THBS4: variants seen among roughly 807,000 people sequenced by gnomAD.
The protein encoded by THBS4 is thrombospondin-4.
In THBS4, 90 loss-of-function variants were observed where a neutral mutation model predicts 115.7. The ratio of observed to expected loss-of-function variants is 0.78; its 90% CI spans 0.66 to 0.93. The LOEUF is 0.93. THBS4 is among the 40% of genes least tolerant of loss of function. The pLI is 0.00. For synonymous variants in THBS4, 460 were observed against 479.3 expected (o/e 0.96, Z 0.53); for missense variants, 1,087 against 1,232.7 (o/e 0.88, Z 1.77).
At chr5:80,023,740 G>A (rs1474655747) in intron 2 of THBS4, among the ~76,000 whole-genome samples, 2 of 152,118 alleles carry the variant, frequency 1.3e-5, no homozygotes, top group Non-Finnish European at 2.9e-5. Flanking sequence ...CCACACACAT[G>A]TGGTGATGGC....
intron 2 of THBS4, among the ~76,000 whole-genome samples, chr5:80,003,172 C>T (rs527671132): frequency 1.1e-4 from 17 of 152,132 alleles, no homozygotes; most frequent in Admixed American, 2.0e-4. Flanking sequence ...CAGTAATTTG[C>T]AGTTTGAATA....
chr5:80,007,237 AT>A (rs1333294774), intron 2 of THBS4, among the ~76,000 whole-genome samples: 2 of 152,154 alleles, frequency 1.3e-5, no homozygotes, highest in Admixed American at 6.5e-5. Context: ...AATTAAGTTT[AT>A]TTTTTTCATA....
In THBS4 at chr5:80,058,279, T is replaced by C. The variant is rs767188033; in HGVS notation, c.614T>C (p.Leu205Pro). Residue 205 changes from leucine (L) to proline (P), a missense_variant, in exon 4 of 22, where the codon CTG becomes CCG. Physicochemically the swap from Leu to Pro is moderately conservative, Grantham distance 98. Transcript: ENST00000350881. ...FQVASLQDCF[L>P]QQSEPLAATG... ...GTGGCCAGCCTGCAAGACTGCTTCC[T>C]GCAGCAGAGTGAGCCACTGGCTGCC... The C allele has an allele frequency of 1.9e-6, 3 of 1,570,736 alleles. No homozygotes were observed. The South Asian group carries it at 3.5e-5, about 18-fold the overall frequency.
chr5:79,997,304 A>G (rs879536262), intron 1 of THBS4, among the ~76,000 whole-genome samples: 3 of 152,178 alleles, frequency 2.0e-5, no homozygotes, highest in Admixed American at 6.5e-5. Flanking sequence ...TCCTTCAAAC[A>G]TGACATTGGT....
chr5:80,027,894 CAAAAAAAAA>C (rs1159986888), intron 2 of THBS4, among the ~76,000 whole-genome samples: 65 of 47,720 alleles, frequency 1.4e-3, no homozygotes, highest in African/African-American at 5.2e-3. Flanking sequence ...ACCCTGTCTC[CAAAAAAAAA>C]AAAAAAAAAA....
At chr5:79,998,554 C>A (rs11956870) in intron 2 of THBS4, 31,384 of 152,132 alleles carry the variant, frequency 0.21, 3,452 homozygotes, top group Middle Eastern at 0.28. Context: ...CAGACGTAGA[C>A]CCAGACCCAA....
At chr5:80,036,729 T>C (rs1226225229) in intron 1 of THBS4, among the ~76,000 whole-genome samples, 1 of 152,230 alleles carries the variant, frequency 6.6e-6, no homozygotes, top group Non-Finnish European at 1.5e-5. Flanking sequence ...TGGCCCTAAC[T>C]GGTCAGGCGT....
chr5:80,067,932 C>T (rs755604604), intron 9 of THBS4, 41 bp from the exon 10 acceptor site: 3 of 1,605,252 alleles, frequency 1.9e-6, no homozygotes, highest in Non-Finnish European at 2.6e-6. Flanking sequence ...GTACCTTTGC[C>T]CACAGCTTTC....
At chr5:80,068,482 C>T in intron 10 of THBS4, 1 of 258,296 alleles carries the variant, frequency 3.9e-6, no homozygotes, top group South Asian at 4.7e-5. Flanking sequence ...CTTCTTCTGC[C>T]CCATCTACCT....
Position 80,080,089 on chromosome 5 carries a change from CCCCAT to C in THBS4, c.2684+14_2684+18del. ...GTGGGCTACATCAGGTAGGTAGAGG[CCCCAT>C]CTCCTTACCTTGCTCTAGAAGCAAA... On this transcript the variant is annotated intron_variant, in intron 20 of 21. Coordinates refer to ENST00000350881, the MANE Select transcript of THBS4 (RefSeq NM_003248.6). 1 of 1,611,210 alleles carries C rather than the reference CCCCAT, an allele frequency of 6.2e-7. No homozygotes were observed. Among genetic ancestry groups the C allele is most frequent in the African/African-American group, 1.3e-5 (1 of 74,982 alleles).
chr5:80,068,243 A>AT (rs1833907912), intron 10 of THBS4, 118 bp downstream of exon 10: 1 of 1,269,944 alleles, frequency 7.9e-7, no homozygotes, highest in Admixed American at 2.2e-5. Context: ...TTGCAATTAA[A>AT]TGAGCATGGA....
rs371549067 is a variant in THBS4 at position 80,078,106 on chromosome 5, G to A, written c.2144G>A (p.Arg715Gln). ...TTTGACCAGGACCAGGTCATCGATC[G>A]GATCGACGTCTGCCCAGAGAACGCA... The part of the protein sequence containing the change: ...SDFDQDQVID[R>Q]IDVCPENAEV... The change falls in exon 17 of 22, where the codon CGG becomes CAG. Residue 715 changes from arginine to glutamine, a missense_variant. Around this residue, in one of 3 missense-constraint regions of THBS4, gnomAD observed 979 missense variants for 1,103.7 expected, o/e 0.89. Transcript: ENST00000350881. 2.9e-5 allele frequency: 47 copies of A among 1,610,314 alleles called. No homozygotes were observed. Among genetic ancestry groups the A allele is most frequent in the African/African-American group, 1.6e-4 (12 of 74,992 alleles).
chr5:79,997,088 G>T lies in THBS4; in HGVS notation n.82-1244G>T, dbSNP rs528702941. On this transcript the variant is annotated intron_variant and non_coding_transcript_variant, in intron 1 of 3. Coordinates refer to the THBS4 transcript ENST00000510218. ...ACAAGAAAGCAAGGGGCCAGCAGGG[G>T]AGTGATAGGTTGGAAGTGGGGAGGT... is the stretch of plus-strand genomic sequence containing the variant. Among the ~76,000 whole-genome samples, 15 of 151,748 alleles carry T rather than the reference G, an allele frequency of 9.9e-5. No homozygotes were observed. The South Asian group carries it at 2.9e-3, about 30-fold the overall frequency.
At chr5:80,041,803 A>G (rs1832912255) in intron 2 of THBS4, among the ~76,000 whole-genome samples, 1 of 152,202 alleles carries the variant, frequency 6.6e-6, no homozygotes, top group Non-Finnish European at 1.5e-5. Flanking sequence ...TTAATAAAAT[A>G]GGAGGGCTGG....
At chr5:79,995,083 T>C (rs1054357348) in intron 1 of THBS4, among the ~76,000 whole-genome samples, 3 of 152,202 alleles carry the variant, frequency 2.0e-5, no homozygotes, top group Admixed American at 6.5e-5. Flanking sequence ...AATGCTGGGT[T>C]TGGTTATAAG....
Position 80,080,579 on chromosome 5 carries a change from C to T in THBS4, c.2684+502C>T, listed in dbSNP as rs1176029207. Among the ~76,000 whole-genome samples the T allele has an allele frequency of 1.1e-3, 58 of 50,486 alleles. 1 individual carries two copies. The highest frequency in any genetic ancestry group is 3.8e-3 in the East Asian group (4 of 1,052). The allele number at this position is 50,486 out of a possible 152,430, so 33.1% of individuals were successfully genotyped here. A position where few individuals can be genotyped will look rare whatever the true frequency, so the allele number is the denominator to read the frequency against. ...AACTGCATGAGAGCAGCGCTTGTAT[C>T]TTTTTTTTTTTTTTTTTTTTTTTTT... On this transcript the variant is annotated intron_variant, in intron 20 of 21. Transcript: ENST00000350881.
At chr5:80,041,786 C>G (rs1032347489) in intron 2 of THBS4, among the ~76,000 whole-genome samples, 4 of 152,218 alleles carry the variant, frequency 2.6e-5, no homozygotes, top group Non-Finnish European at 5.9e-5. Context: ...CCTGCTGCTT[C>G]ATGCATTTAA....
chr5:80,081,276 G>T (rs1176977865), intron 20 of THBS4, among the ~76,000 whole-genome samples: 4 of 152,094 alleles, frequency 2.6e-5, no homozygotes, highest in African/African-American at 4.8e-5. Flanking sequence ...ACAGTGAGAT[G>T]ATCATGTTCT....
chr5:80,035,471 C>T lies in THBS4; in HGVS notation c.-67C>T, dbSNP rs1832683329. The T allele has an allele frequency of 1.7e-6, 2 of 1,157,492 alleles. No individual in the cohort carries two copies. The highest frequency in any genetic ancestry group is 1.6e-5 in the African/African-American group (1 of 62,174). The allele number at this position is 1,157,492 out of a possible 1,614,324, so 71.7% of individuals were successfully genotyped here. ...GCCGACCGAGGTTCAACGCACGGCC[C>T]GGGGACCCCCAGGCGGGGCCAACGC... On this transcript the variant is annotated 5_prime_UTR_variant, in exon 1 of 22. Coordinates refer to ENST00000350881, the MANE Select transcript of THBS4 (RefSeq NM_003248.6). The surrounding 1 kb of genome is among the most constrained non-coding windows in gnomAD (Gnocchi z 4.6).
Sources: gnomAD v4.1 joint callset for allele counts (sites outside exome capture counted in the v4.1 genomes callset) on GRCh38, gnomAD v4.1.1 for gene constraint, gnomAD v4.1.1 regional missense constraint, Gnocchi (gnomAD v3.1) non-coding constraint, MANE v1.5 for transcripts, NCBI Gene and HGNC (gene_info 2026-07-23, HGNC 2026-07-21) for gene names.